The following CNTNAP2 variants were observed in gnomAD, a reference collection of about 807,000 sequenced individuals.
CNTNAP2 encodes contactin-associated protein-like 2.
In CNTNAP2, 98 loss-of-function variants were observed where a neutral mutation model predicts 155.2. That is an observed-to-expected ratio of 0.63 (90% CI 0.54 to 0.75). CNTNAP2 has a LOEUF of 0.75. Among genes scored for constraint, CNTNAP2 ranks in the 30% least tolerant of loss-of-function variants. The probability of loss-of-function intolerance (pLI) is 0.00; values close to 1 mark genes in which losing one functional copy is unlikely to be tolerated. For synonymous variants in CNTNAP2, 651 were observed against 631.2 expected (o/e 1.03, Z -0.47); for missense variants, 1,727 against 1,688.1 (o/e 1.02, Z -0.40).
chr7:147,675,106 C>T (rs776271961), intron 13 of CNTNAP2, among the ~76,000 whole-genome samples: 2 of 152,012 alleles, frequency 1.3e-5, no homozygotes, highest in Non-Finnish European at 2.9e-5. Flanking sequence ...TCAAAGGCTC[C>T]AGGGAAAAAT....
chr7:147,322,216 G>A (rs1371732210), intron 9 of CNTNAP2, among the ~76,000 whole-genome samples: 1 of 152,088 alleles, frequency 6.6e-6, no homozygotes, highest in East Asian at 1.9e-4. Context: ...CACCTCATTG[G>A]CTGGAACATA....
intron 13 of CNTNAP2, among the ~76,000 whole-genome samples, chr7:147,857,799 C>A (rs2116680120): frequency 6.6e-6 from 1 of 152,288 alleles, no homozygotes; most frequent in African/African-American, 2.4e-5. Context: ...ATTCGTAAAT[C>A]TCTAATATGA....
chr7:148,051,491 A>T (rs1802888260), intron 15 of CNTNAP2, among the ~76,000 whole-genome samples: 1 of 152,130 alleles, frequency 6.6e-6, no homozygotes, highest in Admixed American at 6.5e-5. Context: ...ATACAAAGCC[A>T]TCGTAATTAA....
At chr7:147,644,886 T>C (rs1795341247) in intron 13 of CNTNAP2, among the ~76,000 whole-genome samples, 1 of 152,122 alleles carries the variant, frequency 6.6e-6, no homozygotes, top group Non-Finnish European at 1.5e-5. Flanking sequence ...TATTGATTCC[T>C]TACATATATA....
At chr7:147,355,509 T>C (rs140282867) in intron 9 of CNTNAP2, among the ~76,000 whole-genome samples, 1 of 152,190 alleles carries the variant, frequency 6.6e-6, no homozygotes, top group East Asian at 1.9e-4. Context: ...AGGAGCTGTA[T>C]TTTTGAAAAG....
intron 21 of CNTNAP2, among the ~76,000 whole-genome samples, chr7:148,382,404 C>T (rs968784152): frequency 1.3e-5 from 2 of 152,148 alleles, no homozygotes; most frequent in African/African-American, 4.8e-5. Context: ...GGCTTTGAAA[C>T]AATTGATTTT....
At chr7:146,616,241 A>T (rs920917344) in intron 1 of CNTNAP2, among the ~76,000 whole-genome samples, 5 of 152,212 alleles carry the variant, frequency 3.3e-5, no homozygotes, top group South Asian at 2.1e-4. Context: ...GAGCAAAGCA[A>T]AGGATCACGG....
At chr7:146,730,234 TC>T (rs1445390292) in intron 1 of CNTNAP2, among the ~76,000 whole-genome samples, 1 of 151,958 alleles carries the variant, frequency 6.6e-6, no homozygotes, top group East Asian at 1.9e-4. Flanking sequence ...GGTGACGAAC[TC>T]AGTTTGCTCT....
intron 12 of CNTNAP2, among the ~76,000 whole-genome samples, chr7:147,595,962 G>T (rs967476858): frequency 1.3e-5 from 2 of 152,076 alleles, no homozygotes; most frequent in African/African-American, 4.8e-5. Flanking sequence ...TTTTGTTTTT[G>T]TTTTTGATTT....
rs138211634 is a variant in CNTNAP2 at position 147,723,850 on chromosome 7, C to T, written c.2098+84544C>T. On this transcript the variant is annotated intron_variant, in intron 13 of 23. Transcript: ENST00000361727. ...ATCAAGTCAGGGTATTTAGCAAACC[C>T]GTGACCTCAAATATTTATTATTTCT... Among the ~76,000 whole-genome samples the T allele has an allele frequency of 3.9e-5, 6 of 152,056 alleles. No individual in the cohort carries two copies. The East Asian group carries it at 1.2e-3, about 30-fold the overall frequency.
chr7:147,148,252 T>A (rs1336162584), intron 8 of CNTNAP2, among the ~76,000 whole-genome samples: 1 of 150,340 alleles, frequency 6.7e-6, no homozygotes, highest in Non-Finnish European at 1.5e-5. Flanking sequence ...TAGCCGGGCG[T>A]AGTGGCGGGC....
In CNTNAP2 at chr7:146,195,145, G is replaced by C. The variant is rs532604687; in HGVS notation, c.97+78172G>C. On this transcript the variant is annotated intron_variant, in intron 1 of 23. Transcript: ENST00000361727. ...GTATTACCAAGTGTCTTCAGCCTTG[G>C]AAAGATAAAACTTCCTTTGCTTGCT... 3 of 152,268 alleles carry C rather than the reference G, an allele frequency of 2.0e-5. No individual in the cohort carries two copies. The East Asian group carries it at 5.8e-4, about 29-fold the overall frequency. 9.4% of individuals were successfully genotyped at this position (152,268 alleles called of 1,614,324 possible).
intron 1 of CNTNAP2, among the ~76,000 whole-genome samples, chr7:146,182,008 A>G: frequency 6.6e-6 from 1 of 152,134 alleles, no homozygotes. Context: ...ATATATTTTA[A>G]TGTCCAGGTT....
At chr7:147,064,227 G>GTGTAT in intron 4 of CNTNAP2, among the ~76,000 whole-genome samples, 1 of 151,720 alleles carries the variant, frequency 6.6e-6, no homozygotes, top group East Asian at 1.9e-4. Flanking sequence ...AGTGTATTGA[G>GTGTAT]TGAGCATTAA....
chr7:146,682,455 A>G (rs1351937001), intron 1 of CNTNAP2, among the ~76,000 whole-genome samples: 2 of 152,230 alleles, frequency 1.3e-5, no homozygotes, highest in Non-Finnish European at 2.9e-5. Context: ...CAATCAAAAC[A>G]TTATTGCCAA....
At chr7:147,857,963 T>A (rs1369024465) in intron 13 of CNTNAP2, among the ~76,000 whole-genome samples, 1 of 152,212 alleles carries the variant, frequency 6.6e-6, no homozygotes, top group Non-Finnish European at 1.5e-5. Flanking sequence ...GCCTTTCCAG[T>A]TCTAACTACA....
At chr7:147,851,997 G>T (rs939597665) in intron 13 of CNTNAP2, among the ~76,000 whole-genome samples, 1 of 152,064 alleles carries the variant, frequency 6.6e-6, no homozygotes, top group Admixed American at 6.5e-5. Flanking sequence ...AGCAAATGTA[G>T]CTAGTATAAG....
At chr7:146,399,164 T>C (rs1526162) in intron 1 of CNTNAP2, among the ~76,000 whole-genome samples, 18,787 of 152,142 alleles carry the variant, frequency 0.12, 1,617 homozygotes, top group African/African-American at 0.24. Flanking sequence ...TCATATGCAT[T>C]ACCTCACATA....
intron 1 of CNTNAP2, among the ~76,000 whole-genome samples, chr7:146,489,843 TC>T (rs1797113071): frequency 2.7e-5 from 4 of 150,534 alleles, no homozygotes; most frequent in Admixed American, 1.3e-4. Context: ...GTGGCTGAGT[TC>T]AGGACTTCTA....
Sources: allele counts gnomAD v4.1 joint callset (sites outside exome capture counted in the v4.1 genomes callset), GRCh38; gene constraint gnomAD v4.1.1; transcripts MANE v1.5; gene names NCBI Gene and HGNC (gene_info 2026-07-23, HGNC 2026-07-21).